Variants in METTL4 observed in about 807,000 individuals in gnomAD.
The protein encoded by METTL4 is N(6)-adenine-specific methyltransferase METTL4.
In METTL4, 40 loss-of-function variants were observed where a neutral mutation model predicts 54.0. The ratio of observed to expected loss-of-function variants is 0.74; its 90% confidence interval spans 0.58 to 0.96. The LOEUF (loss-of-function observed/expected upper bound fraction) is 0.96. Ranked by LOEUF, METTL4 falls within the 50% of genes least tolerant of loss-of-function variation. The probability of loss-of-function intolerance (pLI) is 0.00; values close to 1 mark genes in which losing one functional copy is unlikely to be tolerated. For synonymous variants in METTL4, 169 were observed against 183.8 expected, an observed-to-expected ratio of 0.92 and a Z score of 0.65; for missense variants, 525 against 549.0, an observed-to-expected ratio of 0.96 and a Z score of 0.44.
chr18:2,553,541 G>A lies in METTL4; in HGVS notation c.830-777C>T, dbSNP rs1340858986. The A allele has an allele frequency of 2.0e-5, 3 of 152,060 alleles. No individual in the cohort carries two copies. In the East Asian group the frequency reaches 5.8e-4, roughly 29 times the overall value. 9.4% of individuals were successfully genotyped at this position (152,060 alleles called of 1,614,324 possible). Reference sequence around the variant, plus strand: ...TTGTAATTAACAAGTATCTTGGGAGGAGATACTTTAAGACCATGAAAATAT... The same window carrying A: ...TTGTAATTAACAAGTATCTTGGGAGAAGATACTTTAAGACCATGAAAATAT... On this transcript the variant is annotated intron_variant, in intron 4 of 8. Coordinates refer to ENST00000574538, the MANE Select transcript of METTL4 (RefSeq NM_022840.5).
At chr18:2,558,724 A>G (rs2138847) in intron 3 of METTL4, among the ~76,000 whole-genome samples, 86,002 of 151,808 alleles carry the variant, frequency 0.57, 24,597 homozygotes, top group East Asian at 0.81. Context: ...TGTAAATCAT[A>G]TATCTGATAG....
chr18:2,563,488 G>C (rs148586726), intron 3 of METTL4, among the ~76,000 whole-genome samples: 6 of 150,928 alleles, frequency 4.0e-5, no homozygotes, highest in African/African-American at 1.5e-4. Context: ...CAGCTACTCA[G>C]AGGAGGCCAA....
At chr18:2,565,172 G>A (rs564199691) in intron 2 of METTL4, among the ~76,000 whole-genome samples, 3 of 152,178 alleles carry the variant, frequency 2.0e-5, no homozygotes, top group African/African-American at 4.8e-5. Flanking sequence ...CCAGCTACTC[G>A]GGAGGCTGAG....
At chr18:2,565,722 G>C (rs180842401) in intron 2 of METTL4, among the ~76,000 whole-genome samples, 1 of 152,190 alleles carries the variant, frequency 6.6e-6, no homozygotes, top group African/African-American at 2.4e-5. Context: ...ATGGCACATA[G>C]AAAGAGCTCA....
intron 3 of METTL4, among the ~76,000 whole-genome samples, chr18:2,558,831 C>A (rs1341861136): frequency 6.6e-6 from 1 of 152,120 alleles, no homozygotes; most frequent in African/African-American, 2.4e-5. Flanking sequence ...ACAGACATTT[C>A]TCTCAAGAAA....
intron 5 of METTL4, among the ~76,000 whole-genome samples, chr18:2,550,277 T>C (rs1475035707): frequency 6.6e-6 from 1 of 152,196 alleles, no homozygotes; most frequent in African/African-American, 2.4e-5. Context: ...CTTCTAGCTC[T>C]AATTTCATGG....
At position 2,554,874 on chromosome 18, in the gene METTL4, C is replaced by T. The variant is rs748646248; in HGVS notation, c.624G>A (p.Leu208=). Residue 208 remains leucine, a synonymous_variant, in exon 4 of 9, where the codon TTG becomes TTA. Transcript: ENST00000574538. ...GATGTTCCATTTCATTCAGAGAAGG[C>T]AAATGCTTTGCCATTTCACATAATT... ...LSELCEMAKH[L]PSLNEMEHQT... The T allele has an allele frequency of 1.4e-5, 23 of 1,613,840 alleles. No individual in the cohort carries two copies. Among genetic ancestry groups the T allele is most frequent in the Admixed American group, 1.0e-4 (6 of 59,988 alleles).
rs993396428 is a variant in METTL4, at chr18:2,566,904, G to C, written c.313C>G (p.His105Asp). The change falls in exon 2 of 9, where the codon CAT (histidine) becomes GAT (aspartate). Residue 105 changes from histidine to aspartate, a missense_variant. His to Asp is a moderately conservative substitution (Grantham distance 81). Transcript: ENST00000574538. ...VTKPYITPAV[H>D]KECQQSNEKE... ...TCATTACTTTGCTGGCATTCTTTAT[G>C]AACAGCTGGAGTTATATAAGGTTTG... 2.5e-6 allele frequency: 4 copies of C among 1,612,660 alleles called. No individual in the cohort carries two copies. The African/African-American group carries it at 4.0e-5, about 16-fold the overall frequency.
intron 5 of METTL4, among the ~76,000 whole-genome samples, chr18:2,551,794 G>A (rs1350795421): frequency 6.6e-6 from 1 of 152,204 alleles, no homozygotes; most frequent in Admixed American, 6.5e-5. Flanking sequence ...GAGGATCACT[G>A]AGGAGAAGAA....
intron 3 of METTL4, among the ~76,000 whole-genome samples, chr18:2,560,196 T>C (rs897263653): frequency 6.6e-6 from 1 of 152,164 alleles, no homozygotes; most frequent in Non-Finnish European, 1.5e-5. Context: ...ACGTACATGA[T>C]GTTGCTAAAG....
chr18:2,556,544 AC>A (rs2072241695), intron 3 of METTL4, among the ~76,000 whole-genome samples: 1 of 152,164 alleles, frequency 6.6e-6, no homozygotes, highest in Admixed American at 6.5e-5. Flanking sequence ...GGAAAAAATC[AC>A]CAAATGGAAA....
intron 2 of METTL4, among the ~76,000 whole-genome samples, chr18:2,565,421 T>G (rs2143588894): frequency 6.6e-6 from 1 of 152,122 alleles, no homozygotes. Flanking sequence ...AATACCTGGG[T>G]GATGAAATAA....
intron 3 of METTL4, among the ~76,000 whole-genome samples, chr18:2,559,717 G>A (rs2072288332): frequency 6.6e-6 from 1 of 152,148 alleles, no homozygotes; most frequent in Non-Finnish European, 1.5e-5. Context: ...CAACTAGGAT[G>A]AAATGAACAC....
In METTL4 at chr18:2,538,438, A is replaced by G. The variant is rs948231456; in HGVS notation, c.*562T>C. The G allele has an allele frequency of 1.3e-5, 2 of 153,110 alleles. No individual in the cohort carries two copies. Among genetic ancestry groups the G allele is most frequent in the African/African-American group, 2.4e-5 (1 of 41,508 alleles). The allele number at this position is 153,110 out of a possible 1,614,324, so 9.5% of individuals were successfully genotyped here. A position where few individuals can be genotyped will look rare whatever the true frequency, so the allele number is the denominator to read the frequency against. ...GTCATACAAGGGCCAAGTGGATGAC[A>G]TAAGTGAGCAGCATGGTGGCAGTGG... On this transcript the variant is annotated 3_prime_UTR_variant, in exon 9 of 9. Coordinates refer to ENST00000574538, the MANE Select transcript of METTL4 (RefSeq NM_022840.5).
In METTL4 at chr18:2,567,305, A is replaced by C. The variant is rs967281127; in HGVS notation, c.-89T>G. 3.6e-5 allele frequency: 43 copies of C among 1,203,390 alleles called. No individual in the cohort carries two copies. In the African/African-American group the frequency reaches 5.9e-4, roughly 17 times the overall value. The allele number at this position is 1,203,390 out of a possible 1,614,324, so 74.5% of individuals were successfully genotyped here. On this transcript the variant is annotated 5_prime_UTR_variant, in exon 2 of 9. Coordinates refer to ENST00000574538, the MANE Select transcript of METTL4 (RefSeq NM_022840.5). ...AGCTTCTTAAATATCTTGTATTTCA[A>C]TAAACATACACTTCATACACACAGA...
chr18:2,547,543 G>GA lies in METTL4; in HGVS notation c.900-15dup, dbSNP rs1282847929. 1.3e-6 allele frequency: 2 copies of GA among 1,545,436 alleles called. No homozygotes were observed. The highest frequency in any genetic ancestry group is 1.4e-5 in the African/African-American group (1 of 72,196). ...AAATAACTGTACCTAAAAATAAACG[G>GA]AAAAAAGGATGAGCAAAATTCACTG... On this transcript the variant is annotated splice_polypyrimidine_tract_variant and intron_variant, in intron 5 of 8. Coordinates refer to ENST00000574538, the MANE Select transcript of METTL4 (RefSeq NM_022840.5).
intron 3 of METTL4, among the ~76,000 whole-genome samples, chr18:2,562,491 T>G (rs1380379226): frequency 6.6e-6 from 1 of 152,198 alleles, no homozygotes; most frequent in Non-Finnish European, 1.5e-5. Flanking sequence ...ACAGAAACAT[T>G]ATTCATAATA....
In METTL4 at chr18:2,567,423, T is replaced by C. The variant is rs1030931431; in HGVS notation, c.-207A>G. On this transcript the variant is annotated 5_prime_UTR_variant, in exon 2 of 9. Coordinates refer to ENST00000574538, the MANE Select transcript of METTL4 (RefSeq NM_022840.5). ...ATATATACAGAAATTCTAAGGAAAA[T>C]TGCAATGTTTTAATATAAACTTTCT... 20 of 392,120 alleles carry C rather than the reference T, an allele frequency of 5.1e-5. No homozygotes were observed. Among genetic ancestry groups the C allele is most frequent in the African/African-American group, 2.5e-4 (12 of 48,200 alleles). The allele number at this position is 392,120 out of a possible 1,614,324, so 24.3% of individuals were successfully genotyped here.
At chr18:2,556,109 A>G (rs1454487951) in intron 3 of METTL4, among the ~76,000 whole-genome samples, 2 of 152,110 alleles carry the variant, frequency 1.3e-5, no homozygotes, top group African/African-American at 4.8e-5. Flanking sequence ...CAGCCGAGTC[A>G]CGATCAACAC....
Sources: allele counts gnomAD v4.1 joint callset (sites outside exome capture counted in the v4.1 genomes callset), GRCh38; gene constraint gnomAD v4.1.1; transcripts MANE v1.5; gene names NCBI Gene and HGNC (gene_info 2026-07-23, HGNC 2026-07-21).